The following IL3RA variants were observed in gnomAD, a reference collection of about 807,000 sequenced individuals.
The protein encoded by IL3RA is interleukin-3 receptor subunit alpha.
Under a neutral mutation model 52.3 loss-of-function variants are expected in IL3RA, and 73 were observed. The ratio of observed to expected loss-of-function variants is 1.40; its 90% confidence interval spans 1.16 to 1.70. IL3RA has a LOEUF of 1.70. Among genes scored for constraint, IL3RA ranks in the 40% most tolerant of loss-of-function variants. The probability of loss-of-function intolerance (pLI) is 0.00; values close to 1 mark genes in which losing one functional copy is unlikely to be tolerated. For missense variants in IL3RA, 664 were observed against 504.4 expected (o/e 1.32, Z -3.03); for synonymous variants, 260 against 194.0 (o/e 1.34, Z -2.83).
chrX:1,348,656 TTCTTTCTTTCTTTC>T lies in IL3RA; in HGVS notation c.298+113_298+126del, dbSNP rs2085902989. The T allele has an allele frequency of 1.2e-5, 5 of 414,390 alleles. No individual in the cohort carries two copies. The East Asian group carries it at 1.5e-4, about 13-fold the overall frequency. The allele number at this position is 414,390 out of a possible 1,614,324, so 25.7% of individuals were successfully genotyped here. On this transcript the variant is annotated intron_variant, in intron 4 of 11. Coordinates refer to ENST00000331035, the MANE Select transcript of IL3RA (RefSeq NM_002183.4). ...TTCTTTTCTTTTTCTCTTTCTTTCT[TTCTTTCTTTCTTTC>T]TTTCTTTCTTTCTTTCTTTCTTTTT...
Position 1,352,507 on chromosome X carries a change from G to T in IL3RA, c.616+1G>T, listed in dbSNP as rs771013139. ...AAGTTTGTCGTCTTTTCACAGATTG[G>T]TGAGTAGCCCGGGACACTCCCTCCC... On this transcript the variant is annotated splice_donor_variant, in intron 6 of 11. Coordinates refer to ENST00000331035, the MANE Select transcript of IL3RA (RefSeq NM_002183.4). LOFTEE classifies it high-confidence loss of function. 1 of 1,612,670 alleles carries T rather than the reference G, an allele frequency of 6.2e-7. No homozygotes were observed. Among genetic ancestry groups the T allele is most frequent in the Admixed American group, 1.7e-5 (1 of 59,940 alleles).
At chrX:1,347,645 C>G (rs1471880864) in intron 3 of IL3RA, among the ~76,000 whole-genome samples, 12 of 144,428 alleles carry the variant, frequency 8.3e-5, no homozygotes, top group Admixed American at 6.7e-4. Flanking sequence ...AAACAAAAAA[C>G]AAACAAACAA....
intron 2 of IL3RA, among the ~76,000 whole-genome samples, chrX:1,342,853 G>A (rs1307299135): frequency 2.0e-5 from 3 of 149,960 alleles, no homozygotes; most frequent in African/African-American, 7.3e-5. Context: ...GCAGGTGGAC[G>A]ATCACAAGGT....
At chrX:1,367,269 C>G (rs868096253) in intron 9 of IL3RA, among the ~76,000 whole-genome samples, 4 of 4,118 alleles carry the variant, frequency 9.7e-4, no homozygotes, top group African/African-American at 5.7e-3. Context: ...CGGGGTGAGC[C>G]GGGTGCGCGG....
chrX:1,356,423 C>A, intron 7 of IL3RA, 87 bp downstream of exon 7: 2 of 752,340 alleles, frequency 2.7e-6, no homozygotes, highest in Non-Finnish European at 4.5e-6. Flanking sequence ...TTGAAACGGG[C>A]AACAATCTCC....
At chrX:1,356,633 G>A (rs752451944) in intron 7 of IL3RA, among the ~76,000 whole-genome samples, 4 of 152,038 alleles carry the variant, frequency 2.6e-5, no homozygotes, top group Admixed American at 1.3e-4. Context: ...TTAGCTGGGC[G>A]TGGTGGCACG....
At chrX:1,361,376 C>T (rs1480068753) in intron 8 of IL3RA, among the ~76,000 whole-genome samples, 1 of 152,122 alleles carries the variant, frequency 6.6e-6, no homozygotes, top group Admixed American at 6.6e-5. Flanking sequence ...CTCACAGTTC[C>T]ATGTGGCTGG....
intron 3 of IL3RA, among the ~76,000 whole-genome samples, chrX:1,346,093 T>C (rs1569520104): frequency 6.6e-6 from 1 of 151,652 alleles, no homozygotes; most frequent in Admixed American, 6.6e-5. Context: ...GGCGGGCGGA[T>C]CATGAGGTCA....
At chrX:1,347,959 C>T (rs1178592592) in intron 3 of IL3RA, among the ~76,000 whole-genome samples, 1 of 150,502 alleles carries the variant, frequency 6.6e-6, no homozygotes, top group Non-Finnish European at 1.5e-5. Flanking sequence ...ATGGCATGAA[C>T]CCGGGAGGGA....
Position 1,382,423 on chromosome X carries a change from G to C in IL3RA, c.1095G>C (p.Glu365Asp). 6.2e-7 allele frequency: 1 copy of C among 1,613,836 alleles called. No individual in the cohort carries two copies. The highest frequency in any genetic ancestry group is 2.2e-5 in the East Asian group (1 of 44,870). ...VVWEAGKAGL[E>D]ECLVTEVQVV... ...GGGAGGCGGGCAAAGCCGGCCTGGAGGAGTGTCTGGTGACTGAAGTACAGG... is the reference window on the plus strand; with the variant it reads ...GGGAGGCGGGCAAAGCCGGCCTGGACGAGTGTCTGGTGACTGAAGTACAGG... The change falls in exon 12 of 12, where the codon GAG becomes GAC. Residue 365 changes from glutamate (E) to aspartate (D), a missense_variant. Physicochemically the swap from Glu to Asp is conservative, Grantham distance 45. Transcript: ENST00000331035.
At chrX:1,360,748 G>A (rs186306936) in intron 8 of IL3RA, among the ~76,000 whole-genome samples, 4,834 of 150,866 alleles carry the variant, frequency 0.032, 76 homozygotes, top group Admixed American at 0.038. Context: ...GGCTGGTCTC[G>A]AACTCCTGAC....
At chrX:1,349,509 G>C (rs745732043) in intron 4 of IL3RA, among the ~76,000 whole-genome samples, 5 of 151,618 alleles carry the variant, frequency 3.3e-5, no homozygotes, top group Non-Finnish European at 7.4e-5. Flanking sequence ...ATGGGGTGTC[G>C]CTATGTTACC....
rs752050033 is a variant in IL3RA, at chrX:1,349,708, G to GC, written c.298+1164dup. Among the ~76,000 whole-genome samples, 238 of 152,052 alleles carry GC rather than the reference G, an allele frequency of 1.6e-3. 1 individual carries two copies. Among genetic ancestry groups the GC allele is most frequent in the African/African-American group, 5.1e-3 (210 of 41,472 alleles). On this transcript the variant is annotated intron_variant, in intron 4 of 11. Transcript: ENST00000331035. ...ATGGAGTCTTGTTCTTGTCGCCCAGGCTGGAGTGCAGTGGTGCGATTTCAG... is the reference window on the plus strand; with the variant it reads ...ATGGAGTCTTGTTCTTGTCGCCCAGGCCTGGAGTGCAGTGGTGCGATTTCAG...
Position 1,345,433 on chromosome X carries a change from C to T in IL3RA, c.182C>T (p.Pro61Leu), listed in dbSNP as rs770566983. 40 of 1,555,850 alleles carry T rather than the reference C, an allele frequency of 2.6e-5. No individual in the cohort carries two copies. The highest frequency in any genetic ancestry group is 1.7e-4 in the South Asian group (15 of 85,858). Residue 61 changes from proline (P) to leucine (L), a missense_variant and splice_region_variant, in exon 3 of 12, where the codon CCG (proline) becomes CTG (leucine). Coordinates refer to ENST00000331035, the MANE Select transcript of IL3RA (RefSeq NM_002183.4). ...GTTAAAGACGCCGACTATTCTATGC[C>T]GGTAAATCATACTCTCTATTGTTTT... ...ECVKDADYSM[P>L]AVNNSYCQFG...
chrX:1,354,826 A>G, intron 6 of IL3RA, among the ~76,000 whole-genome samples: 1 of 49,170 alleles, frequency 2.0e-5, no homozygotes, highest in Non-Finnish European at 3.8e-5. Context: ...GGTGAAGGAG[A>G]GAGGGAGGAG....
chrX:1,338,211 A>G (rs765433814), intron 1 of IL3RA, among the ~76,000 whole-genome samples: 2 of 150,882 alleles, frequency 1.3e-5, no homozygotes, highest in Non-Finnish European at 3.0e-5. Context: ...TTTATTCACA[A>G]TAGCCAAGAG....
intron 10 of IL3RA, among the ~76,000 whole-genome samples, chrX:1,380,141 G>A (rs1436885387): frequency 2.6e-5 from 4 of 151,648 alleles, no homozygotes; most frequent in Admixed American, 1.3e-4. Context: ...TGATCTGCCC[G>A]CCTGGGCCTC....
chrX:1,377,878 AAAAAAAAAG>A (rs1256205110), intron 9 of IL3RA, among the ~76,000 whole-genome samples: 1 of 138,116 alleles, frequency 7.2e-6, no homozygotes, highest in African/African-American at 3.4e-5. Flanking sequence ...GTCTCAAAAA[AAAAAAAAAG>A]AAAAAAGAAA....
intron 2 of IL3RA, among the ~76,000 whole-genome samples, chrX:1,344,443 A>C (rs2085637800): frequency 6.6e-6 from 1 of 151,700 alleles, no homozygotes; most frequent in Non-Finnish European, 1.5e-5. Flanking sequence ...CAAAACAAAC[A>C]AGCAAACAAA....
Sources: gnomAD v4.1 joint callset for allele counts (sites outside exome capture counted in the v4.1 genomes callset) on GRCh38, gnomAD v4.1.1 for gene constraint, MANE v1.5 for transcripts, NCBI Gene and HGNC (gene_info 2026-07-23, HGNC 2026-07-21) for gene names.